PALM2AKAP2: variants seen among roughly 807,000 people sequenced by gnomAD.
PALM2AKAP2 encodes the protein PALM2 and AKAP2 fusion.
A neutral mutation model predicts 71.5 loss-of-function variants in PALM2AKAP2; 37 were observed. That is an observed-to-expected ratio of 0.52 (90% CI 0.40 to 0.68). PALM2AKAP2 has a LOEUF of 0.68. Ranked by LOEUF, PALM2AKAP2 falls within the 30% of genes least tolerant of loss-of-function variation. The probability of loss-of-function intolerance (pLI) is 0.00; values close to 1 mark genes in which losing one functional copy is unlikely to be tolerated. For synonymous variants in PALM2AKAP2, 468 were observed against 478.8 expected (o/e 0.98, Z 0.29); for missense variants, 1,224 against 1,191.8 (o/e 1.03, Z -0.40).
intron 1 of PALM2AKAP2, among the ~76,000 whole-genome samples, chr9:110,097,610 G>A (rs1158695344): frequency 2.7e-5 from 4 of 149,012 alleles, no homozygotes; most frequent in Non-Finnish European, 5.9e-5. Context: ...GATGGCGGCC[G>A]GGAAGAGGCG....
At chr9:109,799,594 A>G (rs1049417778) in intron 1 of PALM2AKAP2, among the ~76,000 whole-genome samples, 1 of 152,182 alleles carries the variant, frequency 6.6e-6, no homozygotes, top group Non-Finnish European at 1.5e-5. Context: ...CCTGCGCTCA[A>G]GTGATCCTCT....
intron 7 of PALM2AKAP2, among the ~76,000 whole-genome samples, chr9:110,033,692 G>T (rs1231772111): frequency 6.6e-6 from 1 of 152,030 alleles, no homozygotes; most frequent in Non-Finnish European, 1.5e-5. Flanking sequence ...ATTTCTTTTA[G>T]AATCAAAAAA....
chr9:109,654,214 T>C lies in PALM2AKAP2; in HGVS notation c.5+13348T>C, dbSNP rs538946670. On this transcript the variant is annotated intron_variant, in intron 1 of 6. Coordinates refer to the PALM2AKAP2 transcript ENST00000374531. ...GTATAAATCTCTAGTTATGATTATA[T>C]GGATATAATATGAATATGATGTGTT... is the stretch of plus-strand genomic sequence containing the variant. 1.7e-4 allele frequency among the ~76,000 whole-genome samples: 26 copies of C among 152,310 alleles called. 1 individual carries two copies. The highest frequency in any genetic ancestry group is 8.8e-5 in the Non-Finnish European group (6 of 68,024).
At chr9:109,739,089 A>G (rs1430704442) in intron 1 of PALM2AKAP2, among the ~76,000 whole-genome samples, 4 of 152,264 alleles carry the variant, frequency 2.6e-5, no homozygotes, top group Admixed American at 1.3e-4. Context: ...TGGATAAGAA[A>G]TGGTTAAAAT....
At chr9:109,716,683 C>A (rs1828325976) in intron 1 of PALM2AKAP2, among the ~76,000 whole-genome samples, 4 of 152,148 alleles carry the variant, frequency 2.6e-5, no homozygotes, top group Admixed American at 2.6e-4. Flanking sequence ...CCAAGTAGGT[C>A]AAAGTAATGC....
intron 1 of PALM2AKAP2, among the ~76,000 whole-genome samples, chr9:109,846,776 TAA>T (rs1340470208): frequency 6.6e-6 from 1 of 152,204 alleles, no homozygotes; most frequent in Non-Finnish European, 1.5e-5. Context: ...CCTCCAGGAA[TAA>T]AGAGTACACT....
upstream of PALM2AKAP2, among the ~76,000 whole-genome samples, chr9:110,046,673 G>A (rs1833603318): frequency 6.6e-6 from 1 of 151,968 alleles, no homozygotes; most frequent in African/African-American, 2.4e-5. Context: ...TCTCTATGTT[G>A]GTCAGGCTGG....
exon 2 of PALM2AKAP2, chr9:110,136,484 G>A: frequency 5.0e-6 from 8 of 1,614,138 alleles, no homozygotes; most frequent in Non-Finnish European, 5.9e-6. Context: ...AGAGCCTGGT[G>A]CAGTGGTTCT....
intron 1 of PALM2AKAP2, among the ~76,000 whole-genome samples, chr9:109,751,818 G>A (rs6477721): frequency 0.4 from 61,001 of 151,984 alleles, 12,353 homozygotes; most frequent in South Asian, 0.52. Flanking sequence ...GCAGGAGGGA[G>A]AACTCATTTG....
intron 6 of PALM2AKAP2, among the ~76,000 whole-genome samples, chr9:109,969,537 C>T (rs1022327053): frequency 1.3e-5 from 2 of 152,218 alleles, no homozygotes; most frequent in Admixed American, 6.5e-5. Context: ...CAGTCGTTCA[C>T]GGGGCTCTCT....
intron 1 of PALM2AKAP2, among the ~76,000 whole-genome samples, chr9:109,828,308 C>G (rs570849854): frequency 1.9e-4 from 29 of 152,232 alleles, no homozygotes; most frequent in Non-Finnish European, 2.8e-4. Context: ...CATCCTCATT[C>G]CAGTTTTTCA....
At chr9:110,144,011 T>C (rs978360609) in intron 2 of PALM2AKAP2, among the ~76,000 whole-genome samples, 3 of 152,254 alleles carry the variant, frequency 2.0e-5, no homozygotes, top group African/African-American at 7.2e-5. Flanking sequence ...GTCTCTGTTC[T>C]TTCCCCTTCA....
chr9:110,140,542 A>T (rs77733163), intron 2 of PALM2AKAP2, among the ~76,000 whole-genome samples: 7 of 152,210 alleles, frequency 4.6e-5, no homozygotes, highest in Non-Finnish European at 8.8e-5. Context: ...CTTGAAAACC[A>T]TGAGTTTGCC....
At chr9:110,014,801 AAAATGTATATATAT>A (rs1177465029) in intron 6 of PALM2AKAP2, among the ~76,000 whole-genome samples, 548 of 41,266 alleles carry the variant, frequency 0.013, 42 homozygotes, top group Middle Eastern at 0.043. Flanking sequence ...AAAAAAAAAA[AAAATGTATATATAT>A]ATATATATAT....
At position 110,138,458 on chromosome 9, in the gene PALM2AKAP2, C is replaced by G; in HGVS notation, c.2488C>G (p.Gln830Glu). 6.2e-7 allele frequency: 1 copy of G among 1,614,230 alleles called. No homozygotes were observed. The highest frequency in any genetic ancestry group is 8.5e-7 in the Non-Finnish European group (1 of 1,180,034). ...GGAAGAGGAGCTGAAGAGGCAGAGA[C>G]AAGTCTTGCAGAGTACGCAGAGCCC... is the stretch of plus-strand genomic sequence containing the variant. Residue 830 changes from glutamine (Q) to glutamate (E), a missense_variant, in exon 2 of 4, where the codon CAA becomes GAA. Physicochemically the swap from Gln to Glu is conservative, Grantham distance 29. Coordinates refer to ENST00000374525, the Ensembl canonical transcript of PALM2AKAP2.
chr9:110,164,875 A>G (rs926692647), intron 3 of PALM2AKAP2, among the ~76,000 whole-genome samples: 5 of 151,776 alleles, frequency 3.3e-5, no homozygotes, highest in African/African-American at 1.2e-4. Flanking sequence ...TCCCTTTTCC[A>G]TTTCCATGGG....
At chr9:109,939,452 G>T (rs1004218136) in intron 6 of PALM2AKAP2, among the ~76,000 whole-genome samples, 4 of 152,174 alleles carry the variant, frequency 2.6e-5, no homozygotes, top group Non-Finnish European at 4.4e-5. Flanking sequence ...TATAAAAATA[G>T]AAATATTTTG....
chr9:109,755,798 G>A (rs553178226), intron 1 of PALM2AKAP2, among the ~76,000 whole-genome samples: 45 of 151,788 alleles, frequency 3.0e-4, no homozygotes, highest in Non-Finnish European at 5.4e-4. Context: ...TATATGTGAG[G>A]AGAGCCTTGC....
chr9:109,905,364 A>T (rs1830423813), intron 3 of PALM2AKAP2, among the ~76,000 whole-genome samples: 1 of 150,274 alleles, frequency 6.7e-6, no homozygotes, highest in Non-Finnish European at 1.5e-5. Flanking sequence ...GCCAGGATAC[A>T]GATACTTCTG....
Sources: allele counts gnomAD v4.1 joint callset (sites outside exome capture counted in the v4.1 genomes callset), GRCh38; gene constraint gnomAD v4.1.1; transcripts MANE v1.5; gene names NCBI Gene and HGNC (gene_info 2026-07-23, HGNC 2026-07-21).